The following FNDC3B variants were observed in gnomAD, a reference collection of about 807,000 sequenced individuals.
FNDC3B encodes fibronectin type III domain-containing protein 3B.
FNDC3B carries 12 observed loss-of-function variants against 151.5 expected under a neutral mutation model. The ratio of observed to expected loss-of-function variants is 0.08; its 90% CI spans 0.05 to 0.13. The LOEUF (loss-of-function observed/expected upper bound fraction) is 0.13. Among genes scored for constraint, FNDC3B ranks in the 10% least tolerant of loss-of-function variants. The probability of loss-of-function intolerance (pLI) is 1.00; values close to 1 mark genes in which losing one functional copy is unlikely to be tolerated. For synonymous variants in FNDC3B, 528 were observed against 549.0 expected (o/e 0.96, Z 0.54); for missense variants, 1,214 against 1,505.3 (o/e 0.81, Z 3.20).
intron 9 of FNDC3B, 53 bp downstream of exon 9, chr3:172,298,840 CA>C: frequency 1.5e-6 from 2 of 1,308,504 alleles, no homozygotes; most frequent in African/African-American, 1.5e-5. Context: ...GTGGCTAAAG[CA>C]AAAACATGTA....
At chr3:172,058,610 A>G (rs1250038520) in intron 1 of FNDC3B, among the ~76,000 whole-genome samples, 1 of 152,182 alleles carries the variant, frequency 6.6e-6, no homozygotes, top group African/African-American at 2.4e-5. Context: ...AAGATACTCA[A>G]TATCACATTT....
At chr3:172,180,894 C>G (rs920036329) in intron 3 of FNDC3B, among the ~76,000 whole-genome samples, 6 of 151,726 alleles carry the variant, frequency 4.0e-5, no homozygotes, top group Non-Finnish European at 5.9e-5. Context: ...TCCTCAGAAG[C>G]GGGAAAAATT....
intron 3 of FNDC3B, among the ~76,000 whole-genome samples, chr3:172,203,671 A>G (rs1480345606): frequency 1.3e-5 from 2 of 152,230 alleles, no homozygotes; most frequent in Non-Finnish European, 2.9e-5. Flanking sequence ...AACAACAGGC[A>G]GGCTCCCAAA....
chr3:172,272,858 CATGGACTT>C (rs1220835541), intron 6 of FNDC3B, among the ~76,000 whole-genome samples: 6 of 152,206 alleles, frequency 3.9e-5, no homozygotes, highest in African/African-American at 1.4e-4. Flanking sequence ...TCTTGATTCT[CATGGACTT>C]GTGCAAGCTG....
intron 3 of FNDC3B, among the ~76,000 whole-genome samples, chr3:172,202,549 G>T (rs1725210963): frequency 6.6e-6 from 1 of 152,166 alleles, no homozygotes; most frequent in Admixed American, 6.5e-5. Context: ...ACACCCCCTT[G>T]TAAGGGCAAG....
intron 4 of FNDC3B, among the ~76,000 whole-genome samples, chr3:172,239,668 G>A (rs1727369183): frequency 6.6e-6 from 1 of 150,904 alleles, no homozygotes; most frequent in Non-Finnish European, 1.5e-5. Flanking sequence ...GTGGCTTGTA[G>A]TCCAACAAGA....
At chr3:172,339,055 T>A (rs912801783) in intron 16 of FNDC3B, among the ~76,000 whole-genome samples, 6 of 152,084 alleles carry the variant, frequency 3.9e-5, no homozygotes, top group Admixed American at 1.3e-4. Flanking sequence ...AATTTTTTTT[T>A]AAATGGCACA....
At chr3:172,221,635 T>G (rs958768353) in intron 3 of FNDC3B, among the ~76,000 whole-genome samples, 1 of 152,206 alleles carries the variant, frequency 6.6e-6, no homozygotes, top group African/African-American at 2.4e-5. Context: ...TGTGCTTTAT[T>G]TTCTTTGTCT....
chr3:172,256,999 C>T (rs1254210512), intron 6 of FNDC3B, among the ~76,000 whole-genome samples: 1 of 151,312 alleles, frequency 6.6e-6, no homozygotes, highest in Non-Finnish European at 1.5e-5. Context: ...GGCGCAATTT[C>T]GGCTCACTGA....
intron 6 of FNDC3B, among the ~76,000 whole-genome samples, chr3:172,252,002 G>A (rs12106861): frequency 0.021 from 3,207 of 152,106 alleles, 116 homozygotes; most frequent in African/African-American, 0.073. Flanking sequence ...TTTAGTTTTG[G>A]CATCAGTTAT....
intron 4 of FNDC3B, among the ~76,000 whole-genome samples, chr3:172,245,250 T>C (rs1727716123): frequency 1.3e-5 from 2 of 152,236 alleles, no homozygotes; most frequent in Admixed American, 6.5e-5. Context: ...TAGTCTTGTT[T>C]AAAAGTCCAA....
At chr3:172,308,132 T>C (rs886380559) in intron 10 of FNDC3B, among the ~76,000 whole-genome samples, 2 of 152,212 alleles carry the variant, frequency 1.3e-5, no homozygotes, top group African/African-American at 4.8e-5. Context: ...ATCTAAACTA[T>C]GTTAGTACTT....
intron 4 of FNDC3B, among the ~76,000 whole-genome samples, chr3:172,245,012 T>C (rs1014278500): frequency 2.6e-5 from 4 of 152,208 alleles, no homozygotes; most frequent in Non-Finnish European, 5.9e-5. Flanking sequence ...GGTTTCATTA[T>C]GCATGCACAT....
chr3:172,373,820 A>G (rs888531763), intron 23 of FNDC3B, among the ~76,000 whole-genome samples: 2 of 152,232 alleles, frequency 1.3e-5, no homozygotes, highest in Non-Finnish European at 2.9e-5. Context: ...GCCTCCTGGA[A>G]TGATGGGAAA....
intron 3 of FNDC3B, among the ~76,000 whole-genome samples, chr3:172,226,473 TA>T (rs1726587744): frequency 6.6e-6 from 1 of 152,112 alleles, no homozygotes; most frequent in South Asian, 2.1e-4. Flanking sequence ...TAAACCAGAA[TA>T]AAAAATAATT....
At chr3:172,385,150 CATGAGCTAGGGA>C (rs1410472914) in intron 25 of FNDC3B, among the ~76,000 whole-genome samples, 1 of 151,912 alleles carries the variant, frequency 6.6e-6, no homozygotes, top group Non-Finnish European at 1.5e-5. Flanking sequence ...TTGTTCTGGA[CATGAGCTAGGGA>C]ATGAAACATA....
At chr3:172,064,065 GAGGCC>G (rs1717362588) in intron 1 of FNDC3B, among the ~76,000 whole-genome samples, 1 of 152,112 alleles carries the variant, frequency 6.6e-6, no homozygotes, top group Non-Finnish European at 1.5e-5. Flanking sequence ...AAGATTGCTT[GAGGCC>G]AGGAGTTTGA....
chr3:172,128,334 A>G (rs1242724630), intron 2 of FNDC3B, among the ~76,000 whole-genome samples: 2 of 152,194 alleles, frequency 1.3e-5, no homozygotes, highest in Non-Finnish European at 1.5e-5. Flanking sequence ...TTTTCTTTGC[A>G]TGTGTTATTA....
intron 19 of FNDC3B, among the ~76,000 whole-genome samples, chr3:172,345,228 A>T (rs1233536799): frequency 6.6e-6 from 1 of 152,252 alleles, no homozygotes; most frequent in Non-Finnish European, 1.5e-5. Flanking sequence ...TACTTAAGTG[A>T]AAACAAAAAA....
Sources: gnomAD v4.1 joint callset for allele counts (sites outside exome capture counted in the v4.1 genomes callset) on GRCh38, gnomAD v4.1.1 for gene constraint, MANE v1.5 for transcripts, NCBI Gene and HGNC (gene_info 2026-07-23, HGNC 2026-07-21) for gene names.